SHISA9: variants seen among roughly 807,000 people sequenced by gnomAD.
The protein encoded by SHISA9 is protein shisa-9.
Under a neutral mutation model 38.0 loss-of-function variants are expected in SHISA9, and 13 were observed. The ratio of observed to expected loss-of-function variants is 0.34; its 90% confidence interval spans 0.22 to 0.54. SHISA9 has a LOEUF of 0.54. Ranked by LOEUF, SHISA9 falls within the 20% of genes least tolerant of loss-of-function variation. The pLI, the probability that SHISA9 is intolerant of heterozygous loss-of-function variation, is 0.91. For synonymous variants in SHISA9, 275 were observed against 242.0 expected (o/e 1.14, Z -1.27); for missense variants, 538 against 575.8 (o/e 0.93, Z 0.67).
chr16:13,127,367 G>T (rs1220990002), intron 2 of SHISA9, among the ~76,000 whole-genome samples: 2 of 138,540 alleles, frequency 1.4e-5, no homozygotes, highest in African/African-American at 5.4e-5. Flanking sequence ...GAGGGAAGGA[G>T]AGAGAAAAGA....
intron 2 of SHISA9, among the ~76,000 whole-genome samples, chr16:13,185,895 C>A (rs1352907382): frequency 6.6e-6 from 1 of 152,186 alleles, no homozygotes; most frequent in Non-Finnish European, 1.5e-5. Flanking sequence ...TAATCAAGGA[C>A]TGAGTTTTGT....
chr16:13,544,748 G>A, the SHISA9 span, among the ~76,000 whole-genome samples: 9 of 152,042 alleles, frequency 5.9e-5, no homozygotes, highest in Non-Finnish European at 1.3e-4. Flanking sequence ...CTCGAGACCA[G>A]CCTGGCCAAC....
At chr16:13,531,608 C>A in the SHISA9 span, among the ~76,000 whole-genome samples, 1 of 152,120 alleles carries the variant, frequency 6.6e-6, no homozygotes, top group Non-Finnish European at 1.5e-5. Context: ...CCCTTTCTCC[C>A]TCTAGCTGCT....
intron 2 of SHISA9, among the ~76,000 whole-genome samples, chr16:13,161,035 A>C (rs979274747): frequency 1.3e-5 from 2 of 152,192 alleles, no homozygotes; most frequent in African/African-American, 4.8e-5. Flanking sequence ...AGCTTTATAA[A>C]TAATTTGCAG....
intron 2 of SHISA9, among the ~76,000 whole-genome samples, chr16:13,101,923 G>A (rs2073882763): frequency 6.6e-6 from 1 of 152,226 alleles, no homozygotes; most frequent in African/African-American, 2.4e-5. Flanking sequence ...CCAGATGTGA[G>A]CTTCTCTTGA....
At chr16:13,273,341 C>A in the SHISA9 span, among the ~76,000 whole-genome samples, 1 of 152,144 alleles carries the variant, frequency 6.6e-6, no homozygotes, top group East Asian at 1.9e-4. Context: ...ACCCAAATCT[C>A]ATCTTGAGTT....
chr16:13,387,594 A>G, the SHISA9 span, among the ~76,000 whole-genome samples: 1 of 151,454 alleles, frequency 6.6e-6, no homozygotes, highest in African/African-American at 2.4e-5. Flanking sequence ...GGTTCAAACG[A>G]TTCTCCTGTC....
At chr16:13,368,981 A>G in the SHISA9 span, among the ~76,000 whole-genome samples, 1 of 152,198 alleles carries the variant, frequency 6.6e-6, no homozygotes, top group Non-Finnish European at 1.5e-5. Context: ...GTGTTTGGAA[A>G]TATTTGAAAT....
chr16:13,139,787 A>G (rs1264512543), intron 2 of SHISA9, among the ~76,000 whole-genome samples: 1 of 152,134 alleles, frequency 6.6e-6, no homozygotes. Flanking sequence ...GTCAGGTTAG[A>G]ACCTGTTATT....
rs34282111 is a variant in SHISA9, at chr16:13,218,024, AAGGG to A, written c.895+4742_895+4745del. Among the ~76,000 whole-genome samples, 597 of 139,046 alleles carry A rather than the reference AAGGG, an allele frequency of 4.3e-3. 5 individuals are homozygous for A. The highest frequency in any genetic ancestry group is 0.027 in the East Asian group (107 of 3,920). 91.2% of individuals were successfully genotyped at this position (139,046 alleles called of 152,430 possible). On this transcript the variant is annotated intron_variant, in intron 4 of 4. Coordinates refer to ENST00000558583, the MANE Select transcript of SHISA9 (RefSeq NM_001145204.3). ...CAACCTGAGAGAGAAGGAAGGAAGG[AAGGG>A]AGGGAGGGAGGGAGGGAAGGAAGGT...
In SHISA9 at chr16:13,126,215, G is replaced by A. The variant is rs537727282; in HGVS notation, c.692-77179G>A. Among the ~76,000 whole-genome samples the A allele has an allele frequency of 2.0e-5, 3 of 152,308 alleles. No individual in the cohort carries two copies. The South Asian group carries it at 6.2e-4, about 32-fold the overall frequency. The stretch of plus-strand genomic sequence containing the variant: ...GAGGGATGCAGAGGCTGCCTGAGAG[G>A]AAGCCTTCCCTGGGGCCCTCCTCCA... On this transcript the variant is annotated intron_variant, in intron 2 of 4. Coordinates refer to ENST00000558583, the MANE Select transcript of SHISA9 (RefSeq NM_001145204.3).
At chr16:13,208,262 C>T (rs979816719) in intron 3 of SHISA9, among the ~76,000 whole-genome samples, 2 of 152,116 alleles carry the variant, frequency 1.3e-5, no homozygotes, top group Non-Finnish European at 2.9e-5. Context: ...CCATTCATTT[C>T]CTGCCAACTC....
chr16:13,308,716 G>T, the SHISA9 span, among the ~76,000 whole-genome samples: 1 of 152,186 alleles, frequency 6.6e-6, no homozygotes, highest in African/African-American at 2.4e-5. Context: ...TTATGTTGTT[G>T]TCATCCATTG....
At chr16:12,970,986 C>T (rs1046573717) in intron 2 of SHISA9, among the ~76,000 whole-genome samples, 7 of 152,104 alleles carry the variant, frequency 4.6e-5, no homozygotes, top group African/African-American at 1.7e-4. Flanking sequence ...TGAAACAGCA[C>T]GTGGACAGTT....
chr16:13,098,835 C>G (rs2073851742), intron 2 of SHISA9, among the ~76,000 whole-genome samples: 1 of 152,250 alleles, frequency 6.6e-6, no homozygotes, highest in South Asian at 2.1e-4. Flanking sequence ...CTGGCTCAAT[C>G]TCTTCCTAGA....
intron 2 of SHISA9, among the ~76,000 whole-genome samples, chr16:12,958,172 A>G (rs932026646): frequency 2.6e-5 from 4 of 152,248 alleles, no homozygotes; most frequent in African/African-American, 9.6e-5. Flanking sequence ...TAGGCTTCCA[A>G]GGAGCATTGT....
At chr16:13,123,615 C>G (rs1284167573) in intron 2 of SHISA9, among the ~76,000 whole-genome samples, 2 of 152,206 alleles carry the variant, frequency 1.3e-5, no homozygotes, top group Non-Finnish European at 2.9e-5. Flanking sequence ...GTGAACACAG[C>G]TGGCAGTTTC....
intron 2 of SHISA9, among the ~76,000 whole-genome samples, chr16:12,957,113 T>C (rs1436828348): frequency 6.6e-6 from 1 of 152,150 alleles, no homozygotes; most frequent in East Asian, 1.9e-4. Context: ...CCTTACAAAA[T>C]GAAATCATAT....
chr16:13,000,848 A>T (rs1044428224), intron 2 of SHISA9, among the ~76,000 whole-genome samples: 1 of 152,208 alleles, frequency 6.6e-6, no homozygotes, highest in Non-Finnish European at 1.5e-5. Flanking sequence ...CAATTTCAGA[A>T]ATAAAGCTTT....
Sources: gnomAD v4.1 joint callset for allele counts (sites outside exome capture counted in the v4.1 genomes callset) on GRCh38, gnomAD v4.1.1 for gene constraint, MANE v1.5 for transcripts, NCBI Gene and HGNC (gene_info 2026-07-23, HGNC 2026-07-21) for gene names.